ELL2: variants seen among roughly 807,000 people sequenced by gnomAD.
The protein encoded by ELL2 is RNA polymerase II elongation factor ELL2.
Under a neutral mutation model 72.8 loss-of-function variants are expected in ELL2, and 21 were observed. That is an observed-to-expected ratio of 0.29 (90% CI 0.20 to 0.42). The LOEUF (loss-of-function observed/expected upper bound fraction) is 0.42, where lower values mean the gene tolerates loss of function less well. Ranked by LOEUF, ELL2 falls within the 10% of genes least tolerant of loss-of-function variation. The pLI is 1.00. For missense variants in ELL2, 568 were observed against 772.8 expected (o/e 0.73, Z 3.14); for synonymous variants, 266 against 283.2 (o/e 0.94, Z 0.61).
At chr5:95,942,873 T>A (rs1751019209) in intron 2 of ELL2, 129 bp downstream of exon 2, 1 of 525,120 alleles carries the variant, frequency 1.9e-6, no homozygotes, top group African/African-American at 2.0e-5. Flanking sequence ...TCAGAAATTT[T>A]CATTTAGTCA....
rs933728672 is a variant in ELL2, at chr5:95,887,156, A to G, written c.*1715T>C. On this transcript the variant is annotated 3_prime_UTR_variant, in exon 12 of 12. Transcript: ENST00000237853. Reference sequence around the variant, plus strand: ...AGAAACAGAATTCCTTAGGAGGTCCATGCTACATAGAACCAAAATTTCTGC... The same window carrying G: ...AGAAACAGAATTCCTTAGGAGGTCCGTGCTACATAGAACCAAAATTTCTGC... The G allele has an allele frequency of 1.3e-5, 2 of 152,214 alleles. No homozygotes were observed. The highest frequency in any genetic ancestry group is 2.4e-5 in the African/African-American group (1 of 41,466). 9.4% of individuals were successfully genotyped at this position (152,214 alleles called of 1,614,324 possible).
At chr5:95,940,413 C>A (rs1750929141) in intron 2 of ELL2, among the ~76,000 whole-genome samples, 1 of 152,126 alleles carries the variant, frequency 6.6e-6, no homozygotes. Flanking sequence ...AGCCAAGACC[C>A]AAATTCTGGC....
rs996042597 is a variant in ELL2 at position 95,943,035 on chromosome 5, A to G, written c.162T>C (p.Phe54=). The change falls in exon 2 of 12, where the codon TTT becomes TTC. Residue 54 remains phenylalanine (F), a synonymous_variant. Coordinates refer to ENST00000237853, the MANE Select transcript of ELL2 (RefSeq NM_012081.6). The part of the protein sequence containing the change: ...TYQSHKNLIP[F]RPSIQFQGLH... ...GTCCTTGGAACTGGATTGAAGGTCG[A>G]AAAGGAATTAAATTCTATTAAAAGA... 6.2e-7 allele frequency: 1 copy of G among 1,603,002 alleles called. No individual in the cohort carries two copies. The highest frequency in any genetic ancestry group is 8.5e-7 in the Non-Finnish European group (1 of 1,174,576).
chr5:95,902,992 T>C (rs909802381), intron 5 of ELL2, among the ~76,000 whole-genome samples: 3 of 152,092 alleles, frequency 2.0e-5, no homozygotes, highest in Middle Eastern at 3.4e-3. Context: ...TTTCACCATA[T>C]TGTGTAGACT....
intron 1 of ELL2, among the ~76,000 whole-genome samples, chr5:95,951,756 A>T (rs1384434881): frequency 6.6e-6 from 1 of 152,216 alleles, no homozygotes; most frequent in African/African-American, 2.4e-5. Flanking sequence ...AAGGGTAGAA[A>T]CTTGAAGGCC....
chr5:95,891,119 C>T lies in ELL2; in HGVS notation c.1745G>A (p.Gly582Asp), dbSNP rs1748645256. Residue 582 changes from glycine (G) to aspartate (D), a missense_variant, in exon 10 of 12, where the codon GGC becomes GAC. Gly to Asp is a moderately conservative substitution (Grantham distance 94). Coordinates refer to ENST00000237853, the MANE Select transcript of ELL2 (RefSeq NM_012081.6). ...LDAQRKRLSP[G>D]SKEYQNVHEE... is the part of the protein sequence containing the mutation. ...TCCATTTACCTGATACTCTTTTGAGCCTGGAGAAAGGCGCTTTCTTTGTGC... is the reference window on the plus strand; with the variant it reads ...TCCATTTACCTGATACTCTTTTGAGTCTGGAGAAAGGCGCTTTCTTTGTGC... 3.7e-6 allele frequency: 6 copies of T among 1,614,084 alleles called. No individual in the cohort carries two copies. The African/African-American group carries it at 4.0e-5, about 11-fold the overall frequency.
chr5:95,935,544 G>A (rs905999451), intron 2 of ELL2, among the ~76,000 whole-genome samples: 4 of 152,100 alleles, frequency 2.6e-5, no homozygotes, highest in African/African-American at 4.8e-5. Flanking sequence ...TACGACTAAG[G>A]TTCCAGGTAT....
At chr5:95,914,257 T>C (rs531993042) in intron 3 of ELL2, among the ~76,000 whole-genome samples, 130 of 152,290 alleles carry the variant, frequency 8.5e-4, no homozygotes, top group African/African-American at 2.9e-3. Context: ...TTAACTATTT[T>C]AAAGAATTAT....
intron 5 of ELL2, among the ~76,000 whole-genome samples, chr5:95,902,738 G>A (rs1357158537): frequency 6.6e-6 from 1 of 152,036 alleles, no homozygotes; most frequent in Non-Finnish European, 1.5e-5. Context: ...GATTTCTTGA[G>A]GTGGAATAAA....
chr5:95,943,087 T>C (rs1329576792), intron 1 of ELL2, 38 bp from the exon 2 acceptor site: 3 of 1,554,612 alleles, frequency 1.9e-6, no homozygotes, highest in Non-Finnish European at 2.6e-6. Flanking sequence ...AGGTAAACCT[T>C]GGTTACTGTG....
chr5:95,917,353 G>GT (rs1245606611), intron 3 of ELL2, among the ~76,000 whole-genome samples: 2 of 152,182 alleles, frequency 1.3e-5, no homozygotes, highest in African/African-American at 2.4e-5. Context: ...CTGAGCATCT[G>GT]TTTTTACCCT....
intron 2 of ELL2, among the ~76,000 whole-genome samples, chr5:95,933,668 T>A (rs938357508): frequency 2.0e-5 from 3 of 152,164 alleles, no homozygotes; most frequent in Non-Finnish European, 1.5e-5. Flanking sequence ...TTTACAAATG[T>A]TTATTCACTT....
intron 8 of ELL2, among the ~76,000 whole-genome samples, chr5:95,896,383 A>G (rs1384761188): frequency 6.6e-6 from 1 of 152,188 alleles, no homozygotes; most frequent in African/African-American, 2.4e-5. Flanking sequence ...CCATGTCCAG[A>G]GGATATGTTT....
Position 95,927,443 on chromosome 5 carries a change from A to ATAGACATACACACACACGTGTG in ELL2, c.196-7920_196-7899dup. On this transcript the variant is annotated intron_variant, in intron 2 of 11. Transcript: ENST00000237853. ...TAGACATACACACACACGTGTGTAT[A>ATAGACATACACACACACGTGTG]TAGACATACACACACACGTGTGTAT... Among the ~76,000 whole-genome samples, 5 of 49,338 alleles carry ATAGACATACACACACACGTGTG rather than the reference A, an allele frequency of 1.0e-4. 1 individual carries two copies. 32.4% of individuals were successfully genotyped at this position (49,338 alleles called of 152,430 possible). A position where few individuals can be genotyped will look rare whatever the true frequency, so the allele number is the denominator to read the frequency against.
At chr5:95,925,108 A>T (rs1290518015) in intron 2 of ELL2, among the ~76,000 whole-genome samples, 1 of 152,214 alleles carries the variant, frequency 6.6e-6, no homozygotes, top group Non-Finnish European at 1.5e-5. Context: ...AGAACCAGCA[A>T]GGGTTTTCTT....
Position 95,919,443 on chromosome 5 carries a change from T to G in ELL2, c.298A>C (p.Ile100Leu). Residue 100 changes from isoleucine to leucine, a missense_variant, in exon 3 of 12, where the codon ATC becomes CTC. By Grantham distance (5) the Ile-to-Leu change is conservative. Around this residue, in one of 2 missense-constraint regions of ELL2, gnomAD observed 511 missense variants for 728.4 expected, o/e 0.70. Coordinates refer to ENST00000237853, the MANE Select transcript of ELL2 (RefSeq NM_012081.6). ...KDNPQGSFDC[I>L]QQTFSSSGAS... ...ACTTACCTGGAGAATGTTTGCTGGA[T>G]GCAGTCAAAGCTGCCCTGAGGGTTG... 6.3e-7 allele frequency: 1 copy of G among 1,585,168 alleles called. No individual in the cohort carries two copies. Among genetic ancestry groups the G allele is most frequent in the Non-Finnish European group, 8.5e-7 (1 of 1,171,468 alleles).
intron 5 of ELL2, among the ~76,000 whole-genome samples, chr5:95,905,233 A>ACG (rs1554075517): frequency 0.048 from 6,538 of 137,280 alleles, 236 homozygotes; most frequent in African/African-American, 0.11. Flanking sequence ...ACTTTGAGAT[A>ACG]CGCGCACACA....
chr5:95,928,194 CTT>C (rs1750466375), intron 2 of ELL2, among the ~76,000 whole-genome samples: 1 of 152,014 alleles, frequency 6.6e-6, no homozygotes, highest in South Asian at 2.1e-4. Context: ...AGAACAGAAA[CTT>C]TGTTTAAAAA....
chr5:95,895,796 A>C, intron 8 of ELL2, 105 bp from the exon 9 acceptor site: 1 of 901,492 alleles, frequency 1.1e-6, no homozygotes, highest in Non-Finnish European at 1.8e-6. Flanking sequence ...TTTTCCTCAA[A>C]TTCTATTCTT....
Sources: gnomAD v4.1 joint callset for allele counts (sites outside exome capture counted in the v4.1 genomes callset) on GRCh38, gnomAD v4.1.1 for gene constraint, gnomAD v4.1.1 regional missense constraint, MANE v1.5 for transcripts, NCBI Gene and HGNC (gene_info 2026-07-23, HGNC 2026-07-21) for gene names.